Variants in BICRAL observed in about 807,000 individuals in gnomAD.
The protein encoded by BICRAL is BRD4-interacting chromatin-remodeling complex-associated protein-like.
Under a neutral mutation model 91.8 loss-of-function variants are expected in BICRAL, and 8 were observed. That is an observed-to-expected ratio of 0.09 (90% CI 0.05 to 0.16). The LOEUF is 0.16. Among genes scored for constraint, BICRAL ranks in the 10% least tolerant of loss-of-function variants. The pLI, the probability that BICRAL is intolerant of heterozygous loss-of-function variation, is 1.00. For synonymous variants in BICRAL, 445 were observed against 491.1 expected (o/e 0.91, Z 1.24); for missense variants, 1,038 against 1,310.9 (o/e 0.79, Z 3.21).
chr6:42,836,767 G>A (rs564489713), intron 6 of BICRAL, among the ~76,000 whole-genome samples: 15 of 151,082 alleles, frequency 9.9e-5, no homozygotes, highest in Middle Eastern at 3.4e-3. Context: ...GATTACAGGC[G>A]CCTGCCACCA....
At chr6:42,833,844 AATT>A (rs1259063221) in intron 6 of BICRAL, among the ~76,000 whole-genome samples, 8 of 151,916 alleles carry the variant, frequency 5.3e-5, no homozygotes, top group Non-Finnish European at 1.2e-4. Flanking sequence ...AGTGCAAACC[AATT>A]ATTATTATTA....
intron 1 of BICRAL, among the ~76,000 whole-genome samples, chr6:42,748,029 C>T (rs886778211): frequency 6.6e-6 from 1 of 151,676 alleles, no homozygotes; most frequent in Non-Finnish European, 1.5e-5. Flanking sequence ...GTCTCGAACT[C>T]CCGACCTCAG....
At chr6:42,814,876 GT>G (rs1763948178) in intron 2 of BICRAL, among the ~76,000 whole-genome samples, 1 of 151,602 alleles carries the variant, frequency 6.6e-6, no homozygotes, top group African/African-American at 2.4e-5. Flanking sequence ...CCAAATTTCA[GT>G]TTGCGCAGTC....
At chr6:42,823,662 G>A (rs1764206273) in intron 5 of BICRAL, among the ~76,000 whole-genome samples, 1 of 152,054 alleles carries the variant, frequency 6.6e-6, no homozygotes, top group African/African-American at 2.4e-5. Context: ...GGTGGCTCAT[G>A]CCTGTAATCC....
At chr6:42,857,374 T>C in intron 10 of BICRAL, 138 bp downstream of exon 10, 1 of 661,226 alleles carries the variant, frequency 1.5e-6, no homozygotes. Flanking sequence ...ACTTGTTCCC[T>C]GTTTACTCAA....
chr6:42,792,228 TCCTC>T (rs1032190900), intron 1 of BICRAL, among the ~76,000 whole-genome samples: 3 of 152,086 alleles, frequency 2.0e-5, no homozygotes, highest in East Asian at 1.9e-4. Context: ...TATTTTTCCT[TCCTC>T]AATAATAAGC....
intron 6 of BICRAL, among the ~76,000 whole-genome samples, chr6:42,842,147 C>G (rs1764816328): frequency 1.3e-5 from 2 of 152,148 alleles, no homozygotes; most frequent in South Asian, 2.1e-4. Flanking sequence ...CTGTGGATGC[C>G]TGAGCCTCAC....
chr6:42,834,680 T>TG (rs1764591409), intron 6 of BICRAL, among the ~76,000 whole-genome samples: 1 of 152,184 alleles, frequency 6.6e-6, no homozygotes, highest in Non-Finnish European at 1.5e-5. Context: ...ATACAATAAT[T>TG]TATTTTAATG....
At chr6:42,795,453 A>G (rs998906262) in intron 1 of BICRAL, among the ~76,000 whole-genome samples, 2 of 152,206 alleles carry the variant, frequency 1.3e-5, no homozygotes, top group African/African-American at 4.8e-5. Flanking sequence ...ATAAATATCT[A>G]TAAATAAAAT....
chr6:42,789,624 A>G lies in BICRAL; in HGVS notation c.-102+7523A>G, dbSNP rs572986268. On this transcript the variant is annotated intron_variant, in intron 1 of 12. Coordinates refer to ENST00000314073, the MANE Select transcript of BICRAL (RefSeq NM_001393499.1). ...CCCACTGCACTCCAGCCTGGGTGAC[A>G]TAGCTAGACTGTCTCAAAAAAAAAA... is the stretch of plus-strand genomic sequence containing the variant. 2.9e-4 allele frequency among the ~76,000 whole-genome samples: 43 copies of G among 148,154 alleles called. No homozygotes were observed. In the South Asian group the frequency reaches 4.6e-3, roughly 16 times the overall value.
chr6:42,789,464 A>G (rs1189414348), intron 1 of BICRAL, among the ~76,000 whole-genome samples: 1 of 152,042 alleles, frequency 6.6e-6, no homozygotes, highest in Non-Finnish European at 1.5e-5. Flanking sequence ...AACATGGCAA[A>G]ACTCATCTCT....
In BICRAL at chr6:42,865,049, A is replaced by C; in HGVS notation, c.2843A>C (p.Asp948Ala). Residue 948 changes from aspartate to alanine, a missense_variant, in exon 13 of 13, where the codon GAT (aspartate) becomes GCT (alanine). Physicochemically the swap from Asp to Ala is moderately radical, Grantham distance 126 (BLOSUM62 -2). Coordinates refer to ENST00000314073, the MANE Select transcript of BICRAL (RefSeq NM_001393499.1). The stretch of plus-strand genomic sequence containing the variant: ...CACCGGAAAACCTCATCCAGATCGG[A>C]TCATGGTACTGAGAGCAAACTGTCA... ...EGHRKTSSRS[D>A]HGTESKLSSI... 6.2e-7 allele frequency: 1 copy of C among 1,614,120 alleles called. No homozygotes were observed. Among genetic ancestry groups the C allele is most frequent in the Non-Finnish European group, 8.5e-7 (1 of 1,180,046 alleles).
intron 2 of BICRAL, among the ~76,000 whole-genome samples, chr6:42,811,104 A>G (rs2113917228): frequency 6.6e-6 from 1 of 152,206 alleles, no homozygotes; most frequent in Non-Finnish European, 1.5e-5. Context: ...CCTGTGTAGA[A>G]ATGGTGAAAA....
chr6:42,801,265 A>AAAAAGAGAGC (rs1763563474), intron 1 of BICRAL, among the ~76,000 whole-genome samples: 1 of 151,714 alleles, frequency 6.6e-6, no homozygotes, highest in African/African-American at 2.4e-5. Flanking sequence ...AAAAAAAAAA[A>AAAAAGAGAGC]AAGAGAGCGA....
intron 1 of BICRAL, among the ~76,000 whole-genome samples, chr6:42,801,487 T>C (rs765244861): frequency 1.9e-4 from 29 of 152,180 alleles, no homozygotes; most frequent in Non-Finnish European, 4.1e-4. Flanking sequence ...GTGTCCCATC[T>C]TTTTTACTAT....
At chr6:42,860,195 A>G in intron 10 of BICRAL, 67 bp from the exon 11 acceptor site, 1 of 908,834 alleles carries the variant, frequency 1.1e-6, no homozygotes, top group Non-Finnish European at 1.8e-6. Flanking sequence ...TTTCAGTCTT[A>G]AGAAACAGAA....
intron 1 of BICRAL, among the ~76,000 whole-genome samples, chr6:42,802,425 T>TGTTGTTG (rs1303116527): frequency 6.8e-4 from 89 of 130,590 alleles, no homozygotes; most frequent in African/African-American, 2.7e-3. Flanking sequence ...TTTCGTGTTT[T>TGTTGTTG]TTTTTGTTGT....
Position 42,829,928 on chromosome 6 carries a change from C to T in BICRAL, c.1595C>T (p.Thr532Ile), listed in dbSNP as rs775970222. The T allele has an allele frequency of 1.9e-6, 3 of 1,614,234 alleles. No homozygotes were observed. The highest frequency in any genetic ancestry group is 2.2e-5 in the South Asian group (2 of 91,088). Residue 532 changes from threonine to isoleucine, a missense_variant, in exon 6 of 13, where the codon ACA (threonine) becomes ATA (isoleucine). Thr to Ile is a moderately conservative substitution (Grantham distance 89, BLOSUM62 -1). Around this residue, in one of 5 missense-constraint regions of BICRAL, gnomAD observed 532 missense variants for 724.9 expected, o/e 0.73. Coordinates refer to ENST00000314073, the MANE Select transcript of BICRAL (RefSeq NM_001393499.1). ...GGCTTCGCCACCATGCCATCGGTGA[C>T]AAGCATGTCAGGACCTAGTCGGTTC... ...RPGFATMPSV[T>I]SMSGPSRFPA... is the part of the protein sequence containing the mutation.
intron 12 of BICRAL, 62 bp downstream of exon 12, chr6:42,862,674 C>T: frequency 1.0e-6 from 1 of 963,240 alleles, no homozygotes; most frequent in African/African-American, 1.6e-5. Flanking sequence ...ACCATGGGGC[C>T]TTTGGCAGTC....
Sources: gnomAD v4.1 joint callset for allele counts (sites outside exome capture counted in the v4.1 genomes callset) on GRCh38, gnomAD v4.1.1 for gene constraint, gnomAD v4.1.1 regional missense constraint, MANE v1.5 for transcripts, NCBI Gene and HGNC (gene_info 2026-07-23, HGNC 2026-07-21) for gene names.